The following AUTS2 variants were observed in gnomAD, a reference collection of about 807,000 sequenced individuals.
AUTS2 encodes activator of transcription and developmental regulator AUTS2.
In AUTS2, 17 loss-of-function variants were observed where a neutral mutation model predicts 112.4. The ratio of observed to expected loss-of-function variants is 0.15; its 90% CI spans 0.10 to 0.23. The LOEUF is 0.23. Among genes scored for constraint, AUTS2 ranks in the 10% least tolerant of loss-of-function variants. AUTS2 has a pLI of 1.00. For missense variants in AUTS2, 1,510 were observed against 1,701.6 expected, an observed-to-expected ratio of 0.89 and a Z score of 1.98; for synonymous variants, 751 against 702.7, an observed-to-expected ratio of 1.07 and a Z score of -1.09.
chr7:69,608,873 T>TA (rs1454575240), intron 1 of AUTS2, among the ~76,000 whole-genome samples: 2 of 152,226 alleles, frequency 1.3e-5, no homozygotes, highest in African/African-American at 4.8e-5. Flanking sequence ...CCTCATTTGT[T>TA]ACGGTGGTCA....
At chr7:70,056,666 T>C (rs1246477573) in intron 2 of AUTS2, among the ~76,000 whole-genome samples, 1 of 152,150 alleles carries the variant, frequency 6.6e-6, no homozygotes, top group Non-Finnish European at 1.5e-5. Flanking sequence ...ACAACCTGCA[T>C]TGAGGCCCTG....
intron 5 of AUTS2, among the ~76,000 whole-genome samples, chr7:70,528,093 A>ATTTTTTT (rs10651355): frequency 0.012 from 1,207 of 97,102 alleles, 39 homozygotes; most frequent in African/African-American, 0.03. Context: ...AAATTTAAGG[A>ATTTTTTT]TTTTTTTTTT....
chr7:69,887,413 C>CAAAAAA (rs142082810), intron 1 of AUTS2, among the ~76,000 whole-genome samples: 2 of 53,040 alleles, frequency 3.8e-5, no homozygotes. Context: ...AAGACTTCAT[C>CAAAAAA]AAAAAAAAAA....
At chr7:70,729,038 G>A (rs4718988) in intron 6 of AUTS2, 98,216 of 391,446 alleles carry the variant, frequency 0.25, 14,759 homozygotes, top group East Asian at 0.59. Flanking sequence ...TAGCAGCCTG[G>A]GAGGAGCCAC....
At chr7:69,755,283 T>C (rs1787902790) in intron 1 of AUTS2, among the ~76,000 whole-genome samples, 1 of 152,230 alleles carries the variant, frequency 6.6e-6, no homozygotes, top group Admixed American at 6.5e-5. Context: ...TGCCTGAGGC[T>C]GAGATGGCAC....
rs530131973 is a variant in AUTS2 at position 70,791,063 on chromosome 7, C to G, written c.*67C>G. ...CAGACACCAGGCCAGGCTTGAGAGA[C>G]AGAACTCCTGCATGGCTCACACAGA... On this transcript the variant is annotated 3_prime_UTR_variant, in exon 19 of 19. Transcript: ENST00000342771. 109 of 1,409,284 alleles carry G rather than the reference C, an allele frequency of 7.7e-5. No homozygotes were observed. Among genetic ancestry groups the G allele is most frequent in the Non-Finnish European group, 8.2e-5 (89 of 1,083,824 alleles). 87.3% of individuals were successfully genotyped at this position (1,409,284 alleles called of 1,614,324 possible). A position where few individuals can be genotyped will look rare whatever the true frequency, so the allele number is the denominator to read the frequency against.
intron 6 of AUTS2, among the ~76,000 whole-genome samples, chr7:70,745,463 A>G (rs1007738498): frequency 3.9e-5 from 6 of 152,220 alleles, no homozygotes; most frequent in Non-Finnish European, 8.8e-5. Context: ...TTTAAATACT[A>G]TAGAAGGCTG....
intron 4 of AUTS2, among the ~76,000 whole-genome samples, chr7:70,160,527 G>T (rs1010486732): frequency 2.6e-5 from 4 of 152,164 alleles, no homozygotes; most frequent in African/African-American, 9.6e-5. Context: ...TGGCTTGTTA[G>T]GTGGCACAGT....
chr7:70,643,217 A>G (rs1191173521), intron 5 of AUTS2, among the ~76,000 whole-genome samples: 2 of 152,208 alleles, frequency 1.3e-5, no homozygotes, highest in East Asian at 1.9e-4. Context: ...TTAGCTTCGG[A>G]CCCATATTTT....
intron 5 of AUTS2, among the ~76,000 whole-genome samples, chr7:70,677,314 A>C (rs936644458): frequency 4.6e-5 from 7 of 152,090 alleles, no homozygotes. Context: ...TCTCTTTCTG[A>C]TGTTCCACTC....
intron 5 of AUTS2, among the ~76,000 whole-genome samples, chr7:70,514,424 G>A (rs1799331137): frequency 6.6e-6 from 1 of 152,222 alleles, no homozygotes; most frequent in South Asian, 2.1e-4. Context: ...GCCTCAGGCA[G>A]CTTCCAATCA....
intron 1 of AUTS2, among the ~76,000 whole-genome samples, chr7:69,743,192 C>T (rs530315757): frequency 1.3e-5 from 2 of 152,260 alleles, no homozygotes; most frequent in East Asian, 3.9e-4. Context: ...GTTTCCTCAT[C>T]TGTAATATGG....
intron 4 of AUTS2, among the ~76,000 whole-genome samples, chr7:70,223,512 G>C (rs1488902798): frequency 6.6e-6 from 1 of 152,202 alleles, no homozygotes; most frequent in Non-Finnish European, 1.5e-5. Flanking sequence ...TGCGCTGCCA[G>C]TTGTATAAAA....
chr7:70,073,751 T>C (rs1304338592), intron 2 of AUTS2, among the ~76,000 whole-genome samples: 1 of 152,186 alleles, frequency 6.6e-6, no homozygotes. Context: ...GTTTCTAACA[T>C]AGAAATGCCC....
chr7:69,599,950 T>C lies in AUTS2; in HGVS notation c.297T>C (p.Phe99=), dbSNP rs201646173. Residue 99 remains phenylalanine (F), a synonymous_variant, in exon 1 of 19, where the codon TTT becomes TTC. Coordinates refer to ENST00000342771, the MANE Select transcript of AUTS2 (RefSeq NM_015570.4). The surrounding 1 kb of genome is among the most constrained non-coding windows in gnomAD (Gnocchi z 7.0). ...TTGCCATGACCAGCTTTGTCACTTT[T>C]GAAGCGCTGGAGGTAAGGGGGACCC... The part of the protein sequence containing the change: ...DGFAMTSFVT[F]EALEKDVALK... 33 of 1,613,256 alleles carry C rather than the reference T, an allele frequency of 2.0e-5. No individual in the cohort carries two copies. Among genetic ancestry groups the C allele is most frequent in the Non-Finnish European group, 2.6e-5 (31 of 1,179,830 alleles).
intron 4 of AUTS2, among the ~76,000 whole-genome samples, chr7:70,216,480 A>G (rs1158428039): frequency 6.6e-6 from 1 of 152,182 alleles, no homozygotes; most frequent in Non-Finnish European, 1.5e-5. Flanking sequence ...TTAGTTCACA[A>G]TGGCCCTCCT....
At chr7:69,737,772 T>C (rs1787096988) in intron 1 of AUTS2, among the ~76,000 whole-genome samples, 1 of 152,328 alleles carries the variant, frequency 6.6e-6, no homozygotes, top group Admixed American at 6.5e-5. Flanking sequence ...ATAAAAGCCT[T>C]GTTACAGTGA....
intron 3 of AUTS2, among the ~76,000 whole-genome samples, chr7:70,127,052 C>A (rs951319653): frequency 6.6e-6 from 1 of 152,138 alleles, no homozygotes; most frequent in Non-Finnish European, 1.5e-5. Context: ...CTCTCGAACT[C>A]CTGACCTCAG....
At chr7:70,308,046 T>C (rs1056048936) in intron 4 of AUTS2, among the ~76,000 whole-genome samples, 5 of 152,224 alleles carry the variant, frequency 3.3e-5, no homozygotes, top group Admixed American at 6.5e-5. Flanking sequence ...GAAAGTTGTG[T>C]AGTTCAATGA....
Sources: allele counts gnomAD v4.1 joint callset (sites outside exome capture counted in the v4.1 genomes callset), GRCh38; gene constraint gnomAD v4.1.1; non-coding constraint Gnocchi (gnomAD v3.1); transcripts MANE v1.5; gene names NCBI Gene and HGNC (gene_info 2026-07-23, HGNC 2026-07-21).